The following LRRIQ3 variants were observed in gnomAD, a reference collection of about 807,000 sequenced individuals.
LRRIQ3 encodes leucine rich repeats and IQ motif containing 3, also known as leucine-rich repeat and IQ domain-containing protein 3.
A neutral mutation model predicts 59.3 loss-of-function variants in LRRIQ3; 75 were observed. That is an observed-to-expected ratio of 1.26 (90% CI 1.05 to 1.53). LRRIQ3 has a LOEUF of 1.53. LRRIQ3 is among the 40% of genes most tolerant of loss of function. LRRIQ3 has a pLI of 0.00. For missense variants in LRRIQ3, 831 were observed against 710.0 expected (o/e 1.17, Z -1.94); for synonymous variants, 250 against 231.3 (o/e 1.08, Z -0.73).
chr1:74,138,205 T>C (rs373924874), intron 4 of LRRIQ3, among the ~76,000 whole-genome samples: 1 of 151,464 alleles, frequency 6.6e-6, no homozygotes, highest in African/African-American at 2.4e-5. Flanking sequence ...CTTCATTTCA[T>C]GGTAATGTGA....
At chr1:74,101,257 C>A (rs1353645633) in intron 5 of LRRIQ3, among the ~76,000 whole-genome samples, 6 of 152,060 alleles carry the variant, frequency 3.9e-5, no homozygotes, top group South Asian at 2.1e-4. Context: ...TGGATATGAA[C>A]AAACACTTCT....
rs71078186 is a variant in LRRIQ3, at chr1:74,154,240, C to CAAAAAAAAAAAAAAA, written c.707+1478_707+1492dup. Reference sequence around the variant, plus strand: ...TGGGCGACAGAGCGAGACTCCTTCTCAAAAAAAAAAAAAAAAAAAAAAAAA... The same window carrying CAAAAAAAAAAAAAAA: ...TGGGCGACAGAGCGAGACTCCTTCTCAAAAAAAAAAAAAAAAAAAAAAAAAAAAAAAAAAAAAAAA... On this transcript the variant is annotated intron_variant, in intron 4 of 7. Transcript: ENST00000354431. 5.2e-4 allele frequency among the ~76,000 whole-genome samples: 30 copies of CAAAAAAAAAAAAAAA among 57,278 alleles called. 1 individual carries two copies. The highest frequency in any genetic ancestry group is 0.029 in the Middle Eastern group (2 of 70). The allele number at this position is 57,278 out of a possible 152,430, so 37.6% of individuals were successfully genotyped here. A position where few individuals can be genotyped will look rare whatever the true frequency, so the allele number is the denominator to read the frequency against.
At chr1:74,037,657 AAAC>A (rs962599107) in intron 7 of LRRIQ3, among the ~76,000 whole-genome samples, 52 of 152,046 alleles carry the variant, frequency 3.4e-4, no homozygotes, top group African/African-American at 1.1e-3. Context: ...AAAAACAAAC[AAAC>A]AACAACAACA....
At chr1:74,037,689 C>T (rs910336144) in intron 7 of LRRIQ3, among the ~76,000 whole-genome samples, 1 of 152,078 alleles carries the variant, frequency 6.6e-6, no homozygotes, top group Non-Finnish European at 1.5e-5. Flanking sequence ...CAAGAACTGA[C>T]TAGGCAGCTG....
rs1651363940 is a variant in LRRIQ3 at position 74,198,153 on chromosome 1, C to T, written c.-158G>A. 1 of 1,503,042 alleles carries T rather than the reference C, an allele frequency of 6.7e-7. No individual in the cohort carries two copies. The highest frequency in any genetic ancestry group is 8.9e-7 in the Non-Finnish European group (1 of 1,129,022). 93.1% of individuals were successfully genotyped at this position (1,503,042 alleles called of 1,614,324 possible). On this transcript the variant is annotated 5_prime_UTR_variant, in exon 1 of 8. Transcript: ENST00000354431. ...CACATCATGGTTTTCCGGGCGCCAG[C>T]CAAGGCGCTCCGGGGGCGTGGTTAC...
intron 4 of LRRIQ3, among the ~76,000 whole-genome samples, chr1:74,146,117 G>C (rs926459289): frequency 6.6e-6 from 1 of 152,048 alleles, no homozygotes; most frequent in South Asian, 2.1e-4. Context: ...ACCTAAGTTT[G>C]TCTAAGTGTA....
intron 6 of LRRIQ3, among the ~76,000 whole-genome samples, chr1:74,046,145 G>A (rs1334313116): frequency 6.6e-6 from 1 of 152,136 alleles, no homozygotes; most frequent in African/African-American, 2.4e-5. Flanking sequence ...AGCCTGCATA[G>A]CCAAGACAAT....
intron 3 of LRRIQ3, among the ~76,000 whole-genome samples, chr1:74,159,649 G>C (rs759838947): frequency 6.6e-6 from 1 of 152,004 alleles, no homozygotes; most frequent in African/African-American, 2.4e-5. Flanking sequence ...CTTCTCAAGT[G>C]AAAACCTTCC....
chr1:74,148,632 T>C (rs1232393473), intron 4 of LRRIQ3, among the ~76,000 whole-genome samples: 1 of 152,200 alleles, frequency 6.6e-6, no homozygotes, highest in Non-Finnish European at 1.5e-5. Flanking sequence ...ACTTGTTCAG[T>C]TATTCAGTGA....
intron 6 of LRRIQ3, among the ~76,000 whole-genome samples, chr1:74,051,247 A>G (rs2100416412): frequency 6.6e-6 from 1 of 152,314 alleles, no homozygotes. Context: ...GCATTAAAAC[A>G]TTAAAGCAGG....
intron 4 of LRRIQ3, among the ~76,000 whole-genome samples, chr1:74,154,653 C>A (rs1648211847): frequency 6.6e-6 from 1 of 151,978 alleles, no homozygotes; most frequent in Non-Finnish European, 1.5e-5. Flanking sequence ...AAAACAAGAC[C>A]CTTTAATTAG....
chr1:74,068,060 T>G (rs1437883833), intron 6 of LRRIQ3, among the ~76,000 whole-genome samples: 1 of 152,062 alleles, frequency 6.6e-6, no homozygotes, highest in African/African-American at 2.4e-5. Flanking sequence ...ATAGTTTGCC[T>G]TCCAAGTTAT....
intron 6 of LRRIQ3, among the ~76,000 whole-genome samples, chr1:74,047,942 A>G (rs1401216105): frequency 6.6e-6 from 1 of 152,136 alleles, no homozygotes; most frequent in Non-Finnish European, 1.5e-5. Flanking sequence ...AAGAAATATC[A>G]GATAGCTCAC....
intron 5 of LRRIQ3, among the ~76,000 whole-genome samples, chr1:74,079,972 T>A (rs947810447): frequency 1.3e-5 from 2 of 151,826 alleles, no homozygotes; most frequent in African/African-American, 2.4e-5. Context: ...CCTTCACAAC[T>A]CTTGCATCTC....
At chr1:74,119,104 A>G (rs764553777) in intron 4 of LRRIQ3, among the ~76,000 whole-genome samples, 1 of 151,724 alleles carries the variant, frequency 6.6e-6, no homozygotes, top group Non-Finnish European at 1.5e-5. Context: ...TACAAATAGT[A>G]TAACACTTTA....
chr1:74,156,622 C>A (rs918495376), intron 3 of LRRIQ3, among the ~76,000 whole-genome samples: 1 of 152,072 alleles, frequency 6.6e-6, no homozygotes, highest in African/African-American at 2.4e-5. Context: ...AATGAAACTG[C>A]AAATACTCTG....
rs1008138703 is a variant in LRRIQ3, at chr1:74,111,968, T to C, written c.708-2415A>G. Among the ~76,000 whole-genome samples, 6 of 152,214 alleles carry C rather than the reference T, an allele frequency of 3.9e-5. No individual in the cohort carries two copies. In the East Asian group the frequency reaches 1.2e-3, roughly 30 times the overall value. ...GTTGAGAGGTCTGGGGCTTTCTTCA[T>C]CCCTCCAGCTCCCACTGATAGGCAG... On this transcript the variant is annotated intron_variant, in intron 4 of 7. Transcript: ENST00000354431.
intron 4 of LRRIQ3, among the ~76,000 whole-genome samples, chr1:74,137,816 T>C (rs907351508): frequency 6.6e-6 from 1 of 151,830 alleles, no homozygotes; most frequent in African/African-American, 2.4e-5. Context: ...AGCTGGAAAC[T>C]ATCATTCTCA....
chr1:74,117,351 T>C (rs985908070), intron 4 of LRRIQ3, among the ~76,000 whole-genome samples: 4 of 152,076 alleles, frequency 2.6e-5, no homozygotes, highest in Non-Finnish European at 5.9e-5. Context: ...GAGTCTCATG[T>C]AAAAAGTATG....
Sources: gnomAD v4.1 joint callset for allele counts (sites outside exome capture counted in the v4.1 genomes callset) on GRCh38, gnomAD v4.1.1 for gene constraint, MANE v1.5 for transcripts, NCBI Gene and HGNC (gene_info 2026-07-23, HGNC 2026-07-21) for gene names.